The following AHNAK2 variants were observed in gnomAD, a reference collection of about 807,000 sequenced individuals.
The protein encoded by AHNAK2 is AHNAK nucleoprotein 2.
AHNAK2 carries 18 observed loss-of-function variants against 30.7 expected under a neutral mutation model. The observed-to-expected ratio is 0.59, with a 90% CI of 0.41 to 0.87. The LOEUF (loss-of-function observed/expected upper bound fraction) is 0.87. Among genes scored for constraint, AHNAK2 ranks in the 40% least tolerant of loss-of-function variants. The pLI is 0.00. For missense variants in AHNAK2, 8,604 were observed against 7,373.0 expected (o/e 1.17, Z -6.11); for synonymous variants, 3,590 against 3,073.8 (o/e 1.17, Z -5.56).
At position 104,948,881 on chromosome 14, in the gene AHNAK2, G is replaced by A. The variant is rs751683057; in HGVS notation, c.6570C>T (p.Pro2190=). 8.1e-6 allele frequency: 13 copies of A among 1,609,406 alleles called. No homozygotes were observed. Among genetic ancestry groups the A allele is most frequent in the Middle Eastern group, 1.7e-4 (1 of 6,020 alleles). ...PPKVEADMSL[P]SMQGDLKTTD... is the part of the protein sequence containing the mutation. The stretch of plus-strand genomic sequence containing the variant: ...TGGTCTTGAGGTCCCCCTGCATGGA[G>A]GGGAGACTCATGTCGGCCTCCACCT... The change falls in exon 7 of 7, where the codon CCC becomes CCT. Residue 2190 remains proline (P), a synonymous_variant. Coordinates refer to ENST00000333244, the MANE Select transcript of AHNAK2 (RefSeq NM_138420.4).
chr14:104,977,210 C>T (rs2140887155), intron 1 of AHNAK2, among the ~76,000 whole-genome samples: 1 of 152,332 alleles, frequency 6.6e-6, no homozygotes, highest in East Asian at 1.9e-4. Context: ...TGGGGTCCAG[C>T]CTGCACCAGT....
At chr14:104,956,440 G>T in intron 4 of AHNAK2, 148 bp downstream of exon 4, 1 of 729,978 alleles carries the variant, frequency 1.4e-6, no homozygotes, top group East Asian at 2.7e-5. Context: ...GGCCTGACAA[G>T]GGGGACAAGA....
rs531096148 is a variant in AHNAK2 at position 104,952,742 on chromosome 14, C to T, written c.2709G>A (p.Glu903=). The change falls in exon 7 of 7, where the codon GAG becomes GAA. Residue 903 remains glutamate, a synonymous_variant. Transcript: ENST00000333244. ...QAGQVDVKLP[E]GPVPEGAGPK... is the part of the protein sequence containing the mutation. ...GGCCGGCTCCCTCGGGCACAGGGCC[C>T]TCCGGAAGTTTCACATCCACTTGGC... 2 of 1,612,868 alleles carry T rather than the reference C, an allele frequency of 1.2e-6. 1 individual carries two copies. The highest frequency in any genetic ancestry group is 2.7e-5 in the African/African-American group (2 of 74,472).
chr14:104,937,350 C>T lies in AHNAK2; in HGVS notation c.*713G>A, dbSNP rs1285517569. 2 of 152,356 alleles carry T rather than the reference C, an allele frequency of 1.3e-5. No individual in the cohort carries two copies. Among genetic ancestry groups the T allele is most frequent in the East Asian group, 3.9e-4 (2 of 5,194 alleles). 9.4% of individuals were successfully genotyped at this position (152,356 alleles called of 1,614,324 possible). A position where few individuals can be genotyped will look rare whatever the true frequency, so the allele number is the denominator to read the frequency against. On this transcript the variant is annotated 3_prime_UTR_variant, in exon 7 of 7. Coordinates refer to ENST00000333244, the MANE Select transcript of AHNAK2 (RefSeq NM_138420.4). ...CGTGTACATTAGGGGACTCAGGGGC[C>T]ACAGTGTGGGACCGTGCACACTGGC... is the stretch of plus-strand genomic sequence containing the variant.
In AHNAK2 at chr14:104,938,238, T is replaced by G. The variant is rs369462099; in HGVS notation, c.17213A>C (p.Glu5738Ala). The G allele has an allele frequency of 6.2e-7, 1 of 1,613,888 alleles. No individual in the cohort carries two copies. The highest frequency in any genetic ancestry group is 8.5e-7 in the Non-Finnish European group (1 of 1,179,868). The change falls in exon 7 of 7, where the codon GAA (glutamate) becomes GCA (alanine). Residue 5738 changes from glutamate to alanine, a missense_variant. Coordinates refer to ENST00000333244, the MANE Select transcript of AHNAK2 (RefSeq NM_138420.4). ...EETITFFDAR[E>A]SFSPEEKEEG... The stretch of plus-strand genomic sequence containing the variant: ...TTCCTTCTCTTCAGGGGAGAAACTT[T>G]CTCGGGCATCAAAAAACGTGATTGT...
chr14:104,941,936 G>T lies in AHNAK2; in HGVS notation c.13515C>A (p.Asp4505Glu), dbSNP rs752281164. ...ADMSIPSMQG[D>E]LKTTDLRIQA... Reference sequence around the variant, plus strand: ...GAATGCGGAGGTCAGTGGTCTTGAGGTCCCCCTGCATGGAGGGAATGCTCA... The same window carrying T: ...GAATGCGGAGGTCAGTGGTCTTGAGTTCCCCCTGCATGGAGGGAATGCTCA... The change falls in exon 7 of 7, where the codon GAC (aspartate) becomes GAA (glutamate). Residue 4505 changes from aspartate (D) to glutamate (E), a missense_variant. Transcript: ENST00000333244. 6.2e-6 allele frequency: 10 copies of T among 1,613,528 alleles called. No homozygotes were observed. The highest frequency in any genetic ancestry group is 8.5e-6 in the Non-Finnish European group (10 of 1,179,712).
Position 104,949,982 on chromosome 14 carries a change from G to C in AHNAK2, c.5469C>G (p.Phe1823Leu), listed in dbSNP as rs375980238. 6.3e-7 allele frequency: 1 copy of C among 1,588,430 alleles called. No homozygotes were observed. The highest frequency in any genetic ancestry group is 1.1e-5 in the South Asian group (1 of 90,106). Residue 1823 changes from phenylalanine (F) to leucine (L), a missense_variant, in exon 7 of 7, where the codon TTC becomes TTG. By Grantham distance (22) the Phe-to-Leu change is conservative. Transcript: ENST00000333244. ...ACGGCATCTTGAACTTGGGCATTTT[G>C]AACTTGCTGTCTTTGGCAGTCACAT... ...DKDVTAKDSK[F>L]KMPKFKMPSF...
Position 104,949,651 on chromosome 14 carries a change from C to G in AHNAK2, c.5800G>C (p.Asp1934His). The change falls in exon 7 of 7, where the codon GAC becomes CAC. Residue 1934 changes from aspartate to histidine, a missense_variant. Coordinates refer to ENST00000333244, the MANE Select transcript of AHNAK2 (RefSeq NM_138420.4). ...ACTTCCGCCTTGGGGCCTTTCAGGTCCAGCTTGGCGCCCTTAACATCTGTC... is the reference window on the plus strand; with the variant it reads ...ACTTCCGCCTTGGGGCCTTTCAGGTGCAGCTTGGCGCCCTTAACATCTGTC... ...PQTDVKGAKLDLKGPKAEVTA... is the reference protein window; with the variant it reads ...PQTDVKGAKLHLKGPKAEVTA... The G allele has an allele frequency of 2.5e-6, 4 of 1,588,312 alleles. No individual in the cohort carries two copies. Among genetic ancestry groups the G allele is most frequent in the Non-Finnish European group, 3.4e-6 (4 of 1,163,186 alleles).
In AHNAK2 at chr14:104,966,378, C is replaced by T. The variant is rs1401827116; in HGVS notation, c.56-8706G>A. On this transcript the variant is annotated intron_variant, in intron 1 of 6. Transcript: ENST00000333244. This position sits in a 1 kb window ranked among gnomAD's most constrained non-coding sequence, Gnocchi z 4.3. ...TTGTACCCCTGGCAACCCCACAACA[C>T]GATCTCCTCCACAGGCCCCTTCTCC... Among the ~76,000 whole-genome samples, 8 of 152,132 alleles carry T rather than the reference C, an allele frequency of 5.3e-5. No homozygotes were observed. Among genetic ancestry groups the T allele is most frequent in the Admixed American group, 3.9e-4 (6 of 15,284 alleles).
rs756482227 is a variant in AHNAK2, at chr14:104,942,775, T to C, written c.12676A>G (p.Met4226Val). The stretch of plus-strand genomic sequence containing the variant: ...GGGCCCTTGAGGGCCACTTTGGGCA[T>C]CTTCAAACAGGGCATCTGCACCTTG... Reference protein sequence around the residue: ...LPKVQMPCLKMPKVALKGPQV... With the variant: ...LPKVQMPCLKVPKVALKGPQV... The change falls in exon 7 of 7, where the codon ATG becomes GTG. Residue 4226 changes from methionine to valine, a missense_variant. Met to Val is a conservative substitution (Grantham distance 21, BLOSUM62 1). Transcript: ENST00000333244. The C allele has an allele frequency of 6.2e-7, 1 of 1,611,854 alleles. No homozygotes were observed. Among genetic ancestry groups the C allele is most frequent in the Admixed American group, 1.7e-5 (1 of 59,828 alleles).
chr14:104,958,179 T>C (rs1291709524), intron 1 of AHNAK2, among the ~76,000 whole-genome samples: 2 of 152,214 alleles, frequency 1.3e-5, no homozygotes, highest in African/African-American at 4.8e-5. Context: ...CCGGGCACGG[T>C]GGCTCATGCC....
In AHNAK2 at chr14:104,938,263, TTTC is replaced by T. The variant is rs775534497; in HGVS notation, c.17185_17187del (p.Glu5729del). 2 of 1,613,932 alleles carry T rather than the reference TTTC, an allele frequency of 1.2e-6. No homozygotes were observed. Among genetic ancestry groups the T allele is most frequent in the Admixed American group, 3.3e-5 (2 of 60,014 alleles). Reference sequence around the variant, plus strand: ...TCTCGGGCATCAAAAAACGTGATTGTTTCTTCTTGAAGTTTTTGTTCTTCCAGC... The same window carrying T: ...TCTCGGGCATCAAAAAACGTGATTGTTTCTTGAAGTTTTTGTTCTTCCAGC... On this transcript the variant is annotated inframe_deletion, in exon 7 of 7. Coordinates refer to ENST00000333244, the MANE Select transcript of AHNAK2 (RefSeq NM_138420.4).
chr14:104,959,109 A>C (rs1221756609), intron 1 of AHNAK2, among the ~76,000 whole-genome samples: 1 of 152,182 alleles, frequency 6.6e-6, no homozygotes, highest in Non-Finnish European at 1.5e-5. Context: ...CTGAAGTGCG[A>C]GGATTGCTTG....
intron 1 of AHNAK2, among the ~76,000 whole-genome samples, chr14:104,968,267 C>T (rs1899367705): frequency 1.3e-5 from 2 of 152,160 alleles, no homozygotes; most frequent in South Asian, 2.1e-4. Context: ...GGTGGTACCA[C>T]AGTGAAAGCC....
chr14:104,954,537 G>T lies in AHNAK2; in HGVS notation c.914C>A (p.Thr305Lys). The change falls in exon 7 of 7, where the codon ACG (threonine) becomes AAG (lysine). Residue 305 changes from threonine to lysine, a missense_variant. Physicochemically the swap from Thr to Lys is moderately conservative, Grantham distance 78. Transcript: ENST00000333244. This position sits in a 1 kb window ranked among gnomAD's most constrained non-coding sequence, Gnocchi z 4.3. ...TGCCTTCTGCTCTTGGCGCTCCACC[G>T]TGAGCTGGGCCTCTGTGTCTGTGCT... ...PTSTDTEAQL[T>K]VERQEQKAGP... The T allele has an allele frequency of 6.2e-7, 1 of 1,610,166 alleles. No individual in the cohort carries two copies. Among genetic ancestry groups the T allele is most frequent in the Non-Finnish European group, 8.5e-7 (1 of 1,178,624 alleles).
At position 104,954,939 on chromosome 14, in the gene AHNAK2, C is replaced by T. The variant is rs186193491; in HGVS notation, c.651+18G>A. ...TGAAGCCAGCTGGGGCCCTGCCCCC[C>T]GGGCATAGTGGTCTCACCTCCTTCT... On this transcript the variant is annotated intron_variant, in intron 6 of 6. Transcript: ENST00000333244. The surrounding 1 kb of genome is among the most constrained non-coding windows in gnomAD (Gnocchi z 4.3). The T allele has an allele frequency of 7.3e-5, 116 of 1,599,068 alleles. No homozygotes were observed. Among genetic ancestry groups the T allele is most frequent in the African/African-American group, 9.4e-5 (7 of 74,544 alleles).
chr14:104,953,785 C>T lies in AHNAK2; in HGVS notation c.1666G>A (p.Gly556Arg). The stretch of plus-strand genomic sequence containing the variant: ...CTTGTCCTCTGTAGTCCTTCCTCTC[C>T]ATCTCCTTCATCCCCCTGTGCTTCT... ...HAEAQGDEGD[G>R]EEGLQRTRIT... The change falls in exon 7 of 7, where the codon GGA becomes AGA. Residue 556 changes from glycine (G) to arginine (R), a missense_variant. Gly to Arg is a moderately radical substitution (Grantham distance 125, BLOSUM62 -2). Transcript: ENST00000333244. The T allele has an allele frequency of 6.2e-7, 1 of 1,613,954 alleles. No homozygotes were observed. Among genetic ancestry groups the T allele is most frequent in the Non-Finnish European group, 8.5e-7 (1 of 1,179,876 alleles).
chr14:104,961,324 C>A (rs911481871), intron 1 of AHNAK2, among the ~76,000 whole-genome samples: 2 of 151,662 alleles, frequency 1.3e-5, no homozygotes, highest in Admixed American at 6.6e-5. Flanking sequence ...ACCATCCTGG[C>A]TAACACAGTG....
rs536679222 is a variant in AHNAK2, at chr14:104,951,401, G to A, written c.4050C>T (p.Ser1350=). The change falls in exon 7 of 7, where the codon TCC becomes TCT. Residue 1350 remains serine (S), a synonymous_variant. Transcript: ENST00000333244. ...VSAPGKSIEA[S]VDLSAPKVEA... ...CCACCTTGGGTGCAGACAGGTCCAC[G>A]GAGGCCTCAATGGACTTGCCTGGGG... The A allele has an allele frequency of 2.2e-5, 23 of 1,068,414 alleles. 7 individuals are homozygous for A. The highest frequency in any genetic ancestry group is 1.6e-4 in the African/African-American group (11 of 67,660). The allele number at this position is 1,068,414 out of a possible 1,614,324, so 66.2% of individuals were successfully genotyped here. A position where few individuals can be genotyped will look rare whatever the true frequency, so the allele number is the denominator to read the frequency against.
Sources: allele counts gnomAD v4.1 joint callset (sites outside exome capture counted in the v4.1 genomes callset), GRCh38; gene constraint gnomAD v4.1.1; non-coding constraint Gnocchi (gnomAD v3.1); transcripts MANE v1.5; gene names NCBI Gene and HGNC (gene_info 2026-07-23, HGNC 2026-07-21).